Variants in SLC14A2 observed in about 807,000 individuals in gnomAD.
SLC14A2 encodes the protein solute carrier family 14 member 2, also known as urea transporter 2.
In SLC14A2, 91 loss-of-function variants were observed where a neutral mutation model predicts 104.6. That is an observed-to-expected ratio of 0.87 (90% CI 0.73 to 1.04). The LOEUF (loss-of-function observed/expected upper bound fraction) is 1.04, where lower values mean the gene tolerates loss of function less well. Ranked by LOEUF, SLC14A2 falls within the 50% of genes least tolerant of loss-of-function variation. SLC14A2 has a pLI of 0.00. For synonymous variants in SLC14A2, 476 were observed against 466.4 expected, an observed-to-expected ratio of 1.02 and a Z score of -0.27; for missense variants, 1,189 against 1,156.0, an observed-to-expected ratio of 1.03 and a Z score of -0.41.
chr18:45,678,543 A>G (rs1291595440), intron 18 of SLC14A2, among the ~76,000 whole-genome samples: 3 of 152,212 alleles, frequency 2.0e-5, no homozygotes, highest in African/African-American at 7.2e-5. Flanking sequence ...GGGCATGTCT[A>G]GTCTTCCTCA....
chr18:45,588,975 G>C (rs1485749265), intron 2 of SLC14A2, among the ~76,000 whole-genome samples: 1 of 2,970 alleles, frequency 3.4e-4, no homozygotes, highest in African/African-American at 9.8e-4. Context: ...GTTGGTGGGT[G>C]GGGGGGGGTG....
intron 1 of SLC14A2, among the ~76,000 whole-genome samples, chr18:45,275,766 ATAAAGTGATCAGTTGTT>A (rs1458248783): frequency 6.6e-6 from 1 of 152,204 alleles, no homozygotes; most frequent in Non-Finnish European, 1.5e-5. Context: ...TTTTTTACTA[ATAAAGTGATCAGTTGTT>A]TACTATTTGG....
At chr18:45,418,539 A>G (rs2086303272) in intron 1 of SLC14A2, among the ~76,000 whole-genome samples, 1 of 152,256 alleles carries the variant, frequency 6.6e-6, no homozygotes, top group South Asian at 2.1e-4. Context: ...TCAAGGACCC[A>G]GGTTCACATC....
At chr18:45,536,890 T>C (rs944123843) in intron 2 of SLC14A2, among the ~76,000 whole-genome samples, 12 of 152,154 alleles carry the variant, frequency 7.9e-5, no homozygotes, top group African/African-American at 2.9e-4. Context: ...TCCTGAATGC[T>C]GGGTGTCCTG....
chr18:45,380,716 G>A (rs2085825737), intron 1 of SLC14A2, among the ~76,000 whole-genome samples: 1 of 152,118 alleles, frequency 6.6e-6, no homozygotes, highest in Non-Finnish European at 1.5e-5. Context: ...AACCTAGTTG[G>A]GGGTTTGTAT....
intron 1 of SLC14A2, among the ~76,000 whole-genome samples, chr18:45,244,873 T>A (rs1319225438): frequency 6.6e-6 from 1 of 152,226 alleles, no homozygotes; most frequent in Non-Finnish European, 1.5e-5. Flanking sequence ...TATTCATTCA[T>A]CCATCTGTCT....
chr18:45,586,886 A>G (rs947870470), intron 2 of SLC14A2, among the ~76,000 whole-genome samples: 2 of 152,118 alleles, frequency 1.3e-5, no homozygotes, highest in African/African-American at 2.4e-5. Flanking sequence ...AATGCCAACT[A>G]TAACTTTGCC....
the SLC14A2 span, among the ~76,000 whole-genome samples, chr18:45,188,472 G>A: frequency 6.6e-6 from 1 of 152,140 alleles, no homozygotes; most frequent in East Asian, 1.9e-4. Flanking sequence ...GGGTGGTCTA[G>A]GACTGTAATC....
intron 1 of SLC14A2, among the ~76,000 whole-genome samples, chr18:45,422,976 A>G (rs2086370055): frequency 6.6e-6 from 1 of 151,956 alleles, no homozygotes; most frequent in Admixed American, 6.6e-5. Flanking sequence ...CACTTCTTCC[A>G]CTATCTTACT....
chr18:45,676,315 G>A (rs2046229103), intron 18 of SLC14A2, among the ~76,000 whole-genome samples: 1 of 152,184 alleles, frequency 6.6e-6, no homozygotes. Flanking sequence ...GCCCGGTGGG[G>A]AGGTGGCTGC....
the SLC14A2 span, among the ~76,000 whole-genome samples, chr18:45,193,439 T>G: frequency 6.6e-6 from 1 of 152,212 alleles, no homozygotes; most frequent in African/African-American, 2.4e-5. Flanking sequence ...TTGTATGTGT[T>G]TATCTAATTA....
intron 1 of SLC14A2, among the ~76,000 whole-genome samples, chr18:45,469,614 C>A (rs1390730962): frequency 1.3e-5 from 2 of 152,166 alleles, no homozygotes; most frequent in Non-Finnish European, 2.9e-5. Context: ...GTGGTGTAAG[C>A]ATGTATTAAT....
At chr18:45,209,027 TAAAAA>T (rs199687506), upstream of SLC14A2, among the ~76,000 whole-genome samples, 243 of 144,370 alleles carry the variant, frequency 1.7e-3, 5 homozygotes, top group East Asian at 0.043. Flanking sequence ...AACAGGCATT[TAAAAA>T]AAAAAAAAAC....
the SLC14A2 span, among the ~76,000 whole-genome samples, chr18:45,187,368 G>A: frequency 6.6e-6 from 1 of 152,092 alleles, no homozygotes; most frequent in African/African-American, 2.4e-5. Context: ...TGGAAAGAAT[G>A]CCAAACTGAA....
chr18:45,403,816 C>T (rs2086123379), intron 1 of SLC14A2, among the ~76,000 whole-genome samples: 2 of 136,866 alleles, frequency 1.5e-5, no homozygotes, highest in African/African-American at 5.4e-5. Flanking sequence ...AGTCAGATTG[C>T]ATCACCTAGC....
At chr18:45,172,735 C>G in the SLC14A2 span, among the ~76,000 whole-genome samples, 1 of 152,134 alleles carries the variant, frequency 6.6e-6, no homozygotes, top group African/African-American at 2.4e-5. Flanking sequence ...CAAAATCCTA[C>G]TTCTGTGATC....
the SLC14A2 span, among the ~76,000 whole-genome samples, chr18:45,174,407 T>C: frequency 4.6e-5 from 7 of 152,246 alleles, no homozygotes; most frequent in East Asian, 3.9e-4. Context: ...CTAACTACTA[T>C]CTTGAGAATA....
At chr18:45,340,157 AC>A in intron 1 of SLC14A2, among the ~76,000 whole-genome samples, 1 of 152,292 alleles carries the variant, frequency 6.6e-6, no homozygotes, top group South Asian at 2.1e-4. Flanking sequence ...ATGGAACCCT[AC>A]CTTTCTCAGA....
chr18:45,589,380 A>AC (rs1568288439), intron 2 of SLC14A2, among the ~76,000 whole-genome samples: 54 of 152,050 alleles, frequency 3.6e-4, no homozygotes, highest in South Asian at 8.3e-4. Flanking sequence ...AGTGCACACA[A>AC]ACACACACAC....
Sources: allele counts gnomAD v4.1 joint callset (sites outside exome capture counted in the v4.1 genomes callset), GRCh38; gene constraint gnomAD v4.1.1; transcripts MANE v1.5; gene names NCBI Gene and HGNC (gene_info 2026-07-23, HGNC 2026-07-21).